STXBP5: variants seen among roughly 807,000 people sequenced by gnomAD.
The protein encoded by STXBP5 is syntaxin-binding protein 5.
Under a neutral mutation model 152.4 loss-of-function variants are expected in STXBP5, and 50 were observed. The observed-to-expected ratio is 0.33, with a 90% CI of 0.26 to 0.42. The LOEUF is 0.42. Ranked by LOEUF, STXBP5 falls within the 10% of genes least tolerant of loss-of-function variation. The probability of loss-of-function intolerance (pLI) is 1.00; values close to 1 mark genes in which losing one functional copy is unlikely to be tolerated. For synonymous variants in STXBP5, 492 were observed against 494.7 expected (o/e 0.99, Z 0.07); for missense variants, 1,167 against 1,388.6 (o/e 0.84, Z 2.54).
intron 8 of STXBP5, among the ~76,000 whole-genome samples, chr6:147,287,194 ATTTTTTT>A (rs11370591): frequency 5.3e-5 from 4 of 75,256 alleles, no homozygotes; most frequent in African/African-American, 2.1e-4. Context: ...TTAATTGTAC[ATTTTTTT>A]TTTTTTTTTT....
chr6:147,363,812 C>G, intron 24 of STXBP5, 108 bp downstream of exon 24: 1 of 1,457,708 alleles, frequency 6.9e-7, no homozygotes, highest in Non-Finnish European at 9.1e-7. Flanking sequence ...GTCTTATACT[C>G]TGAGAATTTA....
At chr6:147,262,149 C>T in intron 5 of STXBP5, 141 bp from the exon 6 acceptor site, 4 of 577,702 alleles carry the variant, frequency 6.9e-6, no homozygotes, top group Non-Finnish European at 1.2e-5. Flanking sequence ...GAACTATATG[C>T]CTATTATTTA....
chr6:147,329,617 CTT>C (rs34913817), intron 18 of STXBP5, among the ~76,000 whole-genome samples: 1 of 71,708 alleles, frequency 1.4e-5, no homozygotes, highest in Non-Finnish European at 2.4e-5. Flanking sequence ...GTTCTTCAGG[CTT>C]TTTTTTTTTT....
rs752532319 is a variant in STXBP5, at chr6:147,314,584, T to C, written c.1362-12T>C. Reference sequence around the variant, plus strand: ...ATTTTATTCATCACATTCTTAACATTGCTTTTCTTAGGCATGCTGATGGGT... The same window carrying C: ...ATTTTATTCATCACATTCTTAACATCGCTTTTCTTAGGCATGCTGATGGGT... On this transcript the variant is annotated splice_polypyrimidine_tract_variant and intron_variant, in intron 13 of 27. Transcript: ENST00000321680. 1 of 1,607,878 alleles carries C rather than the reference T, an allele frequency of 6.2e-7. No homozygotes were observed. Among genetic ancestry groups the C allele is most frequent in the African/African-American group, 1.3e-5 (1 of 74,592 alleles).
intron 21 of STXBP5, among the ~76,000 whole-genome samples, chr6:147,351,643 T>A (rs574133345): frequency 6.6e-6 from 1 of 152,322 alleles, no homozygotes; most frequent in African/African-American, 2.4e-5. Context: ...GCATTTTCTT[T>A]TTTAACTGAA....
chr6:147,382,566 G>A (rs117681754), intron 26 of STXBP5, among the ~76,000 whole-genome samples: 4,549 of 152,054 alleles, frequency 0.03, 62 homozygotes, highest in Middle Eastern at 0.051. Flanking sequence ...AATATTTAAT[G>A]TACATTGTGT....
chr6:147,232,802 A>G (rs140297871), intron 2 of STXBP5, among the ~76,000 whole-genome samples: 7 of 151,998 alleles, frequency 4.6e-5, no homozygotes, highest in Admixed American at 2.6e-4. Flanking sequence ...TTAAGGAACT[A>G]TGTTATATCA....
chr6:147,337,814 G>T (rs1403707811), intron 19 of STXBP5, among the ~76,000 whole-genome samples: 1 of 152,022 alleles, frequency 6.6e-6, no homozygotes, highest in African/African-American at 2.4e-5. Flanking sequence ...ATTTTTTGAA[G>T]TGGGATTTAT....
chr6:147,313,979 C>T lies in STXBP5; in HGVS notation c.1241C>T (p.Pro414Leu). Residue 414 changes from proline to leucine, a missense_variant, in exon 12 of 28, where the codon CCT becomes CTT. This residue lies in a region of STXBP5 where 833 missense variants were observed against 986.3 expected (regional missense o/e 0.84). Transcript: ENST00000321680. ...GCGGATTGTCCTGTGGACCTTATTCCTGCACTTTATTCTGTTGGAGCTAGA... is the reference window on the plus strand; with the variant it reads ...GCGGATTGTCCTGTGGACCTTATTCTTGCACTTTATTCTGTTGGAGCTAGA... Reference protein sequence around the residue: ...YFADCPVDLIPALYSVGARQK... With the variant: ...YFADCPVDLILALYSVGARQK... 1 of 1,602,808 alleles carries T rather than the reference C, an allele frequency of 6.2e-7. No homozygotes were observed. The highest frequency in any genetic ancestry group is 8.5e-7 in the Non-Finnish European group (1 of 1,172,666).
chr6:147,380,608 T>C (rs1195638162), intron 26 of STXBP5, among the ~76,000 whole-genome samples: 1 of 151,998 alleles, frequency 6.6e-6, no homozygotes, highest in Admixed American at 6.6e-5. Context: ...AGGCAGTGGT[T>C]TCTAAGATAT....
At chr6:147,360,052 G>T (rs959351938) in intron 23 of STXBP5, among the ~76,000 whole-genome samples, 13 of 152,162 alleles carry the variant, frequency 8.5e-5, no homozygotes, top group Admixed American at 7.9e-4. Context: ...AAAAATGCTC[G>T]CCATCACTGG....
At chr6:147,312,582 C>A (rs1782439628) in intron 11 of STXBP5, among the ~76,000 whole-genome samples, 1 of 151,988 alleles carries the variant, frequency 6.6e-6, no homozygotes, top group Non-Finnish European at 1.5e-5. Context: ...AGAGATGCTG[C>A]AAAACATCCA....
intron 26 of STXBP5, among the ~76,000 whole-genome samples, chr6:147,379,335 A>C (rs1036695258): frequency 6.6e-6 from 1 of 152,162 alleles, no homozygotes; most frequent in East Asian, 1.9e-4. Context: ...TTCACTATCT[A>C]GAAATAAATC....
Position 147,235,340 on chromosome 6 carries a change from A to G in STXBP5, c.330+9A>G. 6.2e-7 allele frequency: 1 copy of G among 1,609,340 alleles called. No homozygotes were observed. On this transcript the variant is annotated intron_variant, in intron 3 of 27. Coordinates refer to ENST00000321680, the MANE Select transcript of STXBP5 (RefSeq NM_001127715.4). ...AGTTCCTGATTAATGAGGTTAGTGA[A>G]TTGTTTTAATCATTTCTACTTATAT...
chr6:147,320,467 T>C (rs986653652), intron 16 of STXBP5, among the ~76,000 whole-genome samples: 1 of 151,728 alleles, frequency 6.6e-6, no homozygotes, highest in Non-Finnish European at 1.5e-5. Context: ...GGGATAGAGT[T>C]AGAAAGAGGG....
intron 9 of STXBP5, among the ~76,000 whole-genome samples, chr6:147,305,974 T>C (rs1489109966): frequency 6.6e-6 from 1 of 152,228 alleles, no homozygotes; most frequent in Non-Finnish European, 1.5e-5. Context: ...CATATGAGAT[T>C]GACTAGAGCT....
chr6:147,232,355 A>C (rs1338870061), intron 2 of STXBP5, among the ~76,000 whole-genome samples: 1 of 151,832 alleles, frequency 6.6e-6, no homozygotes, highest in African/African-American at 2.4e-5. Context: ...AATTCTGATA[A>C]ACTACCAGGA....
intron 8 of STXBP5, among the ~76,000 whole-genome samples, chr6:147,282,946 A>G (rs1780770557): frequency 6.6e-6 from 1 of 152,152 alleles, no homozygotes; most frequent in African/African-American, 2.4e-5. Context: ...CCACGCATAA[A>G]ATACACTAAC....
chr6:147,338,840 T>C (rs1019600700), intron 19 of STXBP5, among the ~76,000 whole-genome samples: 5 of 151,722 alleles, frequency 3.3e-5, no homozygotes, highest in African/African-American at 1.2e-4. Flanking sequence ...GTTAATACTA[T>C]CAAGAATTCC....
Sources: gnomAD v4.1 joint callset for allele counts (sites outside exome capture counted in the v4.1 genomes callset) on GRCh38, gnomAD v4.1.1 for gene constraint, gnomAD v4.1.1 regional missense constraint, MANE v1.5 for transcripts, NCBI Gene and HGNC (gene_info 2026-07-23, HGNC 2026-07-21) for gene names.